The following MYLK variants were observed in gnomAD, a reference collection of about 807,000 sequenced individuals.
MYLK encodes the protein myosin light chain kinase, smooth muscle.
In MYLK, 106 loss-of-function variants were observed where a neutral mutation model predicts 203.4. The ratio of observed to expected loss-of-function variants is 0.52; its 90% CI spans 0.45 to 0.61. The LOEUF is 0.61. Among genes scored for constraint, MYLK ranks in the 20% least tolerant of loss-of-function variants. The probability of loss-of-function intolerance (pLI) is 0.00; values close to 1 mark genes in which losing one functional copy is unlikely to be tolerated. For synonymous variants in MYLK, 867 were observed against 959.5 expected (o/e 0.90, Z 1.78); for missense variants, 2,072 against 2,442.3 (o/e 0.85, Z 3.20).
At chr3:123,737,653 G>GAGGA in intron 7 of MYLK, 110 bp from the exon 8 acceptor site, 3 of 1,423,678 alleles carry the variant, frequency 2.1e-6, no homozygotes, top group Non-Finnish European at 2.9e-6. Context: ...CTGGGCAGCA[G>GAGGA]CGTCCTCTGC....
chr3:123,664,830 G>A (rs994269800), intron 22 of MYLK, among the ~76,000 whole-genome samples: 5 of 152,172 alleles, frequency 3.3e-5, no homozygotes, highest in African/African-American at 1.2e-4. Context: ...AATGAGCCCT[G>A]AAAAGAGTAT....
intron 2 of MYLK, among the ~76,000 whole-genome samples, chr3:123,845,974 C>T (rs73201825): frequency 0.011 from 1,609 of 152,268 alleles, 19 homozygotes; most frequent in Non-Finnish European, 0.018. Context: ...ATTACATCAC[C>T]ATGGTACATT....
chr3:123,625,008 C>G (rs1480934893), intron 31 of MYLK: 3 of 152,160 alleles, frequency 2.0e-5, no homozygotes, highest in African/African-American at 4.8e-5. Flanking sequence ...TCTTTGCCAC[C>G]CAGGCAAAGT....
Position 123,640,382 on chromosome 3 carries a change from A to G in MYLK, c.4742T>C (p.Ile1581Thr). 2 of 1,613,786 alleles carry G rather than the reference A, an allele frequency of 1.2e-6. No homozygotes were observed. The highest frequency in any genetic ancestry group is 2.2e-5 in the South Asian group (2 of 91,030). ...CTCCGGCTTGAGGTCCAGGTGCACGATGCCCTGCTTGTGGATGTACTCCAC... is the reference window on the plus strand; with the variant it reads ...CTCCGGCTTGAGGTCCAGGTGCACGGTGCCCTGCTTGTGGATGTACTCCAC... The part of the protein sequence containing the change: ...EGVEYIHKQG[I>T]VHLDLKPENI... The change falls in exon 28 of 34, where the codon ATC becomes ACC. Residue 1581 changes from isoleucine to threonine, a missense_variant. Around this residue, in one of 3 missense-constraint regions of MYLK, gnomAD observed 524 missense variants for 782.4 expected, o/e 0.67. Coordinates refer to ENST00000360304, the MANE Select transcript of MYLK (RefSeq NM_053025.4). The surrounding 1 kb of genome is among the most constrained non-coding windows in gnomAD (Gnocchi z 4.3).
At chr3:123,722,525 G>A (rs1160617435) in intron 12 of MYLK, among the ~76,000 whole-genome samples, 1 of 152,132 alleles carries the variant, frequency 6.6e-6, no homozygotes. Context: ...GGAGGAAGAC[G>A]GGGCCTAGAG....
At chr3:123,800,887 T>C (rs181295376) in intron 3 of MYLK, among the ~76,000 whole-genome samples, 21 of 152,234 alleles carry the variant, frequency 1.4e-4, no homozygotes, top group Non-Finnish European at 2.8e-4. Context: ...TAAAAATTAT[T>C]GAGGGCCCCC....
At chr3:123,731,513 T>G (rs2062473940) in intron 11 of MYLK, among the ~76,000 whole-genome samples, 1 of 152,240 alleles carries the variant, frequency 6.6e-6, no homozygotes, top group African/African-American at 2.4e-5. Context: ...CAGGATGTTG[T>G]CTGGCATTCT....
At chr3:123,687,495 G>A (rs1448330076) in intron 19 of MYLK, among the ~76,000 whole-genome samples, 1 of 152,116 alleles carries the variant, frequency 6.6e-6, no homozygotes, top group Non-Finnish European at 1.5e-5. Flanking sequence ...CTCTTGCAAG[G>A]TCACCAATGA....
intron 11 of MYLK, among the ~76,000 whole-genome samples, chr3:123,732,258 T>G (rs1200663880): frequency 6.6e-6 from 1 of 152,188 alleles, no homozygotes; most frequent in East Asian, 1.9e-4. Flanking sequence ...ATTCAACAAA[T>G]AACAGCATAC....
chr3:123,622,932 C>T (rs527308774), intron 31 of MYLK: 1 of 152,338 alleles, frequency 6.6e-6, no homozygotes, highest in Non-Finnish European at 1.5e-5. Flanking sequence ...AGGGCAATTG[C>T]CCAGGCTGGG....
At chr3:123,616,759 C>T (rs542069210) in intron 33 of MYLK, 18 of 152,202 alleles carry the variant, frequency 1.2e-4, no homozygotes, top group African/African-American at 4.3e-4. Flanking sequence ...CGTGGCACGT[C>T]CTTCTCTCTC....
chr3:123,874,735 G>A (rs982099825), intron 2 of MYLK, among the ~76,000 whole-genome samples: 2 of 152,122 alleles, frequency 1.3e-5, no homozygotes, highest in Non-Finnish European at 2.9e-5. Flanking sequence ...TGCCAAACAC[G>A]TACCCAATAA....
chr3:123,821,588 G>A (rs940462643), intron 3 of MYLK, among the ~76,000 whole-genome samples: 4 of 152,074 alleles, frequency 2.6e-5, no homozygotes, highest in African/African-American at 9.7e-5. Context: ...CCTTCATCCC[G>A]CACCCAGGGT....
At chr3:123,620,815 T>C (rs986608485) in intron 31 of MYLK, 8 of 198,808 alleles carry the variant, frequency 4.0e-5, no homozygotes, top group African/African-American at 1.9e-4. Context: ...ATAATAATAA[T>C]AACACAGCAT....
chr3:123,671,405 C>T (rs529131679), intron 20 of MYLK, among the ~76,000 whole-genome samples: 2 of 152,280 alleles, frequency 1.3e-5, no homozygotes, highest in South Asian at 2.1e-4. Context: ...GGTTTGATCC[C>T]AGGTGTGTCC....
At chr3:123,649,798 C>A (rs923945772) in intron 24 of MYLK, among the ~76,000 whole-genome samples, 3 of 152,138 alleles carry the variant, frequency 2.0e-5, no homozygotes, top group Admixed American at 1.3e-4. Flanking sequence ...CACATATCAC[C>A]ATGGTTCAAA....
intron 23 of MYLK, among the ~76,000 whole-genome samples, chr3:123,663,315 G>A (rs1337224389): frequency 6.6e-6 from 1 of 152,174 alleles, no homozygotes. Flanking sequence ...AGGAAATCCT[G>A]GTATGAAGGT....
At chr3:123,649,314 G>C (rs2059129999) in intron 24 of MYLK, 120 bp from the exon 25 acceptor site, 1 of 1,303,492 alleles carries the variant, frequency 7.7e-7, no homozygotes, top group Non-Finnish European at 1.1e-6. Flanking sequence ...ACGACTACCA[G>C]GTCCAGAGCT....
At chr3:123,709,617 T>C in intron 14 of MYLK, 139 bp downstream of exon 14, 1 of 1,101,526 alleles carries the variant, frequency 9.1e-7, no homozygotes, top group Non-Finnish European at 1.4e-6. Context: ...AGAGTCTCCA[T>C]TTCTTTGGGT....
Sources: gnomAD v4.1 joint callset for allele counts (sites outside exome capture counted in the v4.1 genomes callset) on GRCh38, gnomAD v4.1.1 for gene constraint, gnomAD v4.1.1 regional missense constraint, Gnocchi (gnomAD v3.1) non-coding constraint, MANE v1.5 for transcripts, NCBI Gene and HGNC (gene_info 2026-07-23, HGNC 2026-07-21) for gene names.